Variants in RBFOX1 observed in about 807,000 individuals in gnomAD.
RBFOX1 encodes the protein RNA binding protein fox-1 homolog 1.
In RBFOX1, 8 loss-of-function variants were observed where a neutral mutation model predicts 57.7. That is an observed-to-expected ratio of 0.14 (90% CI 0.08 to 0.25). The LOEUF (loss-of-function observed/expected upper bound fraction) is 0.25. RBFOX1 is among the 10% of genes least tolerant of loss of function. The pLI is 1.00. For synonymous variants in RBFOX1, 326 were observed against 222.4 expected (o/e 1.47, Z -4.15); for missense variants, 611 against 548.5 (o/e 1.11, Z -1.14).
At position 7,034,695 on chromosome 16, in the gene RBFOX1, C is replaced by G. The variant is rs1373804299; in HGVS notation, c.-15-17362C>G. ...GGGGAGCAGAACAGGAGACATTCGC[C>G]TTTCAGTGAGGACACCTCACATCAG... On this transcript the variant is annotated intron_variant, in intron 3 of 15. Coordinates refer to ENST00000550418, the MANE Select transcript of RBFOX1 (RefSeq NM_018723.4). 2.6e-5 allele frequency among the ~76,000 whole-genome samples: 4 copies of G among 151,828 alleles called. No homozygotes were observed. The East Asian group carries it at 7.7e-4, about 29-fold the overall frequency.
At chr16:6,691,546 C>T (rs1404832154) in intron 3 of RBFOX1, among the ~76,000 whole-genome samples, 1 of 152,180 alleles carries the variant, frequency 6.6e-6, no homozygotes, top group Non-Finnish European at 1.5e-5. Context: ...CCCGTTATCA[C>T]ATTACACGCG....
chr16:6,437,181 G>T (rs186397081), intron 2 of RBFOX1, among the ~76,000 whole-genome samples: 1 of 152,178 alleles, frequency 6.6e-6, no homozygotes, highest in Admixed American at 6.5e-5. Flanking sequence ...GTCAGTGAAC[G>T]AAGGGGCTGT....
At chr16:5,668,800 T>A (rs1444047543) in intron 3 of RBFOX1, among the ~76,000 whole-genome samples, 1 of 152,150 alleles carries the variant, frequency 6.6e-6, no homozygotes, top group East Asian at 1.9e-4. Context: ...ATCTCGGAAA[T>A]GCTCGTAGCT....
At chr16:5,692,101 C>T (rs2050699615) in intron 3 of RBFOX1, among the ~76,000 whole-genome samples, 1 of 151,706 alleles carries the variant, frequency 6.6e-6, no homozygotes, top group African/African-American at 2.4e-5. Context: ...TATGGATAAA[C>T]TGTAGTAACT....
At chr16:6,650,053 A>G (rs1027101604) in intron 2 of RBFOX1, among the ~76,000 whole-genome samples, 1 of 152,174 alleles carries the variant, frequency 6.6e-6, no homozygotes. Flanking sequence ...TCTCTTTGAC[A>G]TACGGATTTC....
intron 4 of RBFOX1, among the ~76,000 whole-genome samples, chr16:7,318,993 T>C (rs577983732): frequency 6.6e-6 from 1 of 152,218 alleles, no homozygotes; most frequent in African/African-American, 2.4e-5. Context: ...ACATATGGGA[T>C]GAACCACACT....
At chr16:7,356,707 T>C (rs1196408318) in intron 4 of RBFOX1, among the ~76,000 whole-genome samples, 1 of 152,254 alleles carries the variant, frequency 6.6e-6, no homozygotes, top group Non-Finnish European at 1.5e-5. Context: ...TACTTTGCTT[T>C]TTAAATAAGA....
intron 1 of RBFOX1, among the ~76,000 whole-genome samples, chr16:5,286,823 A>C (rs1388083789): frequency 2.0e-5 from 3 of 152,230 alleles, no homozygotes; most frequent in African/African-American, 7.2e-5. Context: ...ACAAGGCATA[A>C]ATGAATGGAC....
chr16:6,938,300 C>T (rs192327038), intron 3 of RBFOX1, among the ~76,000 whole-genome samples: 4 of 152,116 alleles, frequency 2.6e-5, no homozygotes, highest in East Asian at 1.9e-4. Flanking sequence ...TTTTTGGTAT[C>T]GTCACAAGGA....
chr16:5,467,184 C>CTT lies in RBFOX1; in HGVS notation c.220-31_220-30insTT, dbSNP rs1490897284. 6 of 1,453,686 alleles carry CTT rather than the reference C, an allele frequency of 4.1e-6. No individual in the cohort carries two copies. The East Asian group carries it at 1.5e-4, about 36-fold the overall frequency. 90.0% of individuals were successfully genotyped at this position (1,453,686 alleles called of 1,614,324 possible). A position where few individuals can be genotyped will look rare whatever the true frequency, so the allele number is the denominator to read the frequency against. ...TAGACTCAATGTTTCTTCTCTCTCT[C>CTT]TCTCTCTCTCTCTTTTTTTTTTTTA... On this transcript the variant is annotated intron_variant, in intron 1 of 2. Transcript: ENST00000585867.
intron 2 of RBFOX1, among the ~76,000 whole-genome samples, chr16:6,576,688 T>C (rs1459122802): frequency 6.6e-6 from 1 of 152,190 alleles, no homozygotes; most frequent in South Asian, 2.1e-4. Context: ...GGTCAAACTA[T>C]GTGGAAGGAT....
chr16:6,847,834 C>A (rs1278510851), intron 3 of RBFOX1, among the ~76,000 whole-genome samples: 1 of 151,978 alleles, frequency 6.6e-6, no homozygotes, highest in African/African-American at 2.4e-5. Flanking sequence ...ACCAAGACTT[C>A]CTTTTGGTGG....
At chr16:5,466,310 A>G (rs1343379909) in intron 1 of RBFOX1, among the ~76,000 whole-genome samples, 2 of 152,246 alleles carry the variant, frequency 1.3e-5, no homozygotes, top group East Asian at 3.9e-4. Flanking sequence ...CTTCCTGTGC[A>G]AGCAACTGAC....
At chr16:5,345,176 C>A (rs974594645) in intron 1 of RBFOX1, among the ~76,000 whole-genome samples, 2 of 152,278 alleles carry the variant, frequency 1.3e-5, no homozygotes, top group South Asian at 4.2e-4. Flanking sequence ...CAGGGCTGTG[C>A]TCTGTTCTGG....
intron 3 of RBFOX1, among the ~76,000 whole-genome samples, chr16:5,755,818 G>A (rs567002006): frequency 9.9e-5 from 15 of 152,116 alleles, no homozygotes; most frequent in South Asian, 4.2e-4. Context: ...GGCTGGTCTC[G>A]AACTCCTGAC....
At chr16:6,122,592 C>T (rs1458620907) in intron 1 of RBFOX1, among the ~76,000 whole-genome samples, 1 of 152,256 alleles carries the variant, frequency 6.6e-6, no homozygotes, top group South Asian at 2.1e-4. Context: ...CTGACTAGGC[C>T]TTCCGTGTGA....
intron 4 of RBFOX1, among the ~76,000 whole-genome samples, chr16:5,883,512 A>G (rs1448133782): frequency 9.3e-6 from 1 of 107,726 alleles, no homozygotes; most frequent in East Asian, 2.4e-4. Context: ...AATCCCAGAT[A>G]CGGGTGGCAA....
At chr16:6,132,964 C>CAA (rs144051004) in intron 1 of RBFOX1, among the ~76,000 whole-genome samples, 24 of 70,188 alleles carry the variant, frequency 3.4e-4, no homozygotes, top group East Asian at 2.7e-3. Context: ...GACTCTGTCT[C>CAA]AAAAAAAAAA....
intron 2 of RBFOX1, among the ~76,000 whole-genome samples, chr16:6,644,451 C>T (rs2098517172): frequency 6.6e-6 from 1 of 152,184 alleles, no homozygotes; most frequent in African/African-American, 2.4e-5. Context: ...CAGCAGTAAT[C>T]AATTTCTCAG....
Sources: allele counts gnomAD v4.1 joint callset (sites outside exome capture counted in the v4.1 genomes callset), GRCh38; gene constraint gnomAD v4.1.1; transcripts MANE v1.5; gene names NCBI Gene and HGNC (gene_info 2026-07-23, HGNC 2026-07-21).